VPS53: variants seen among roughly 807,000 people sequenced by gnomAD.
VPS53 encodes VPS53 subunit of GARP complex, also known as vacuolar protein sorting-associated protein 53 homolog.
Under a neutral mutation model 107.0 loss-of-function variants are expected in VPS53, and 70 were observed. The observed-to-expected ratio is 0.65, with a 90% confidence interval of 0.54 to 0.80. The LOEUF (loss-of-function observed/expected upper bound fraction) is 0.80. VPS53 is among the 30% of genes least tolerant of loss of function. The pLI is 0.00. For synonymous variants in VPS53, 409 were observed against 393.3 expected (o/e 1.04, Z -0.47); for missense variants, 917 against 1,049.4 (o/e 0.87, Z 1.74).
intron 13 of VPS53, among the ~76,000 whole-genome samples, chr17:576,772 C>A (rs1402149571): frequency 6.7e-6 from 1 of 149,336 alleles, no homozygotes; most frequent in Admixed American, 6.6e-5. Flanking sequence ...GAACCTCCCT[C>A]AGAACCTCAG....
intron 13 of VPS53, among the ~76,000 whole-genome samples, chr17:580,765 CT>C: frequency 6.7e-6 from 1 of 149,930 alleles, no homozygotes; most frequent in Non-Finnish European, 1.5e-5. Flanking sequence ...TACCAGAGAA[CT>C]TCCCTTAGGA....
At chr17:601,651 C>A in intron 12 of VPS53, 144 bp downstream of exon 12, 1 of 578,744 alleles carries the variant, frequency 1.7e-6, no homozygotes, top group South Asian at 2.9e-5. Flanking sequence ...CATGCACTTT[C>A]AGATAAAGGC....
rs113849101 is a variant in VPS53, at chr17:623,394, T to C, written c.1116+139A>G. The C allele has an allele frequency of 1.2e-5, 12 of 1,019,476 alleles. No individual in the cohort carries two copies. The African/African-American group carries it at 1.3e-4, about 11-fold the overall frequency. The allele number at this position is 1,019,476 out of a possible 1,614,324, so 63.2% of individuals were successfully genotyped here. A position where few individuals can be genotyped will look rare whatever the true frequency, so the allele number is the denominator to read the frequency against. ...CACAGAGTGTTCTGTATCATCACTTTCCCAGCAGCTCAGTGAAATCACTGC... is the reference window on the plus strand; with the variant it reads ...CACAGAGTGTTCTGTATCATCACTTCCCCAGCAGCTCAGTGAAATCACTGC... On this transcript the variant is annotated intron_variant, in intron 11 of 21. Transcript: ENST00000437048.
chr17:581,260 T>A (rs1189174313), intron 13 of VPS53, among the ~76,000 whole-genome samples: 5 of 140,802 alleles, frequency 3.6e-5, no homozygotes, highest in Non-Finnish European at 7.7e-5. Context: ...GGATCTCAAT[T>A]CGTTTCCAGA....
intron 1 of VPS53, among the ~76,000 whole-genome samples, chr17:712,229 G>A (rs1471554400): frequency 6.9e-6 from 1 of 144,142 alleles, no homozygotes; most frequent in Admixed American, 7.1e-5. Flanking sequence ...CGCTCAGGCT[G>A]GAAGGCAGTG....
At chr17:661,407 G>C (rs1454141670) in intron 5 of VPS53, among the ~76,000 whole-genome samples, 1 of 151,566 alleles carries the variant, frequency 6.6e-6, no homozygotes, top group Non-Finnish European at 1.5e-5. Flanking sequence ...TGTAATCCCA[G>C]CTACTTGGGC....
chr17:655,059 A>G (rs1971131070), intron 6 of VPS53, among the ~76,000 whole-genome samples: 1 of 151,586 alleles, frequency 6.6e-6, no homozygotes, highest in African/African-American at 2.4e-5. Context: ...CACTTCCCCC[A>G]CCCAGGACTT....
intron 12 of VPS53, among the ~76,000 whole-genome samples, chr17:599,482 T>C (rs907324141): frequency 2.0e-5 from 3 of 151,364 alleles, no homozygotes; most frequent in African/African-American, 2.4e-5. Flanking sequence ...AAACATGTGC[T>C]GTGTCCACTC....
chr17:656,087 T>A (rs749957461), intron 5 of VPS53, 134 bp from the exon 6 acceptor site: 4 of 621,744 alleles, frequency 6.4e-6, no homozygotes, highest in Non-Finnish European at 5.4e-6. Flanking sequence ...ATTCTCACAA[T>A]ACAAAATAAA....
At chr17:609,972 A>AT (rs1458040459) in intron 11 of VPS53, among the ~76,000 whole-genome samples, 3 of 147,880 alleles carry the variant, frequency 2.0e-5, no homozygotes, top group Non-Finnish European at 3.0e-5. Context: ...CTAAAAATAT[A>AT]AAAAAAAAAA....
intron 12 of VPS53, among the ~76,000 whole-genome samples, chr17:588,958 A>G (rs1967482800): frequency 8.2e-6 from 1 of 121,768 alleles, no homozygotes. Flanking sequence ...TGAATAGAAA[A>G]ATGTGATTTA....
chr17:553,249 C>T lies in VPS53; in HGVS notation c.1787+131G>A, dbSNP rs556649804. 641 of 684,322 alleles carry T rather than the reference C, an allele frequency of 9.4e-4. 1 individual carries two copies. The highest frequency in any genetic ancestry group is 1.4e-3 in the Non-Finnish European group (546 of 382,834). 42.4% of individuals were successfully genotyped at this position (684,322 alleles called of 1,614,324 possible). On this transcript the variant is annotated intron_variant, in intron 16 of 21. Transcript: ENST00000437048. Reference sequence around the variant, plus strand: ...TGAGCAAGCGTGTACAAGGTATATACGTGCCACATGCTGCTGTGTAGTGGA... The same window carrying T: ...TGAGCAAGCGTGTACAAGGTATATATGTGCCACATGCTGCTGTGTAGTGGA...
chr17:589,984 C>G (rs1030253736), intron 12 of VPS53, among the ~76,000 whole-genome samples: 4 of 152,140 alleles, frequency 2.6e-5, no homozygotes, highest in African/African-American at 9.6e-5. Flanking sequence ...GCCATTTTCA[C>G]GATATTGATT....
chr17:642,732 C>T (rs1240632151), intron 7 of VPS53, among the ~76,000 whole-genome samples: 8 of 149,984 alleles, frequency 5.3e-5, no homozygotes, highest in African/African-American at 1.9e-4. Context: ...AACACTCATA[C>T]TTGGAAAGCG....
intron 7 of VPS53, among the ~76,000 whole-genome samples, chr17:646,997 C>A (rs1451603726): frequency 6.6e-6 from 1 of 152,236 alleles, no homozygotes; most frequent in East Asian, 1.9e-4. Flanking sequence ...GCCCCCCGCA[C>A]TTAAAATCTT....
chr17:698,854 C>A (rs1196680402), intron 3 of VPS53, among the ~76,000 whole-genome samples: 2 of 152,248 alleles, frequency 1.3e-5, no homozygotes, highest in Admixed American at 1.3e-4. Context: ...GAGTTCCTTG[C>A]CACAAAGTTC....
intron 7 of VPS53, among the ~76,000 whole-genome samples, chr17:633,381 C>CT (rs1355902901): frequency 6.6e-6 from 1 of 152,136 alleles, no homozygotes; most frequent in Non-Finnish European, 1.5e-5. Context: ...CTAAAAATGC[C>CT]TTAAAAGAGC....
At chr17:665,040 C>A (rs1398271408) in intron 4 of VPS53, among the ~76,000 whole-genome samples, 1 of 152,184 alleles carries the variant, frequency 6.6e-6, no homozygotes, top group Non-Finnish European at 1.5e-5. Context: ...GGAATGCATC[C>A]CCAAAGTTCA....
At chr17:614,232 A>G (rs1185223549) in intron 11 of VPS53, among the ~76,000 whole-genome samples, 1 of 152,164 alleles carries the variant, frequency 6.6e-6, no homozygotes, top group Non-Finnish European at 1.5e-5. Context: ...AACCAACTGA[A>G]CTGTATACTT....
Sources: allele counts gnomAD v4.1 joint callset (sites outside exome capture counted in the v4.1 genomes callset), GRCh38; gene constraint gnomAD v4.1.1; transcripts MANE v1.5; gene names NCBI Gene and HGNC (gene_info 2026-07-23, HGNC 2026-07-21).